SH3GL3: variants seen among roughly 807,000 people sequenced by gnomAD.
The protein encoded by SH3GL3 is SH3 domain containing GRB2 like 3, endophilin A3, also known as endophilin-A3.
SH3GL3 carries 33 observed loss-of-function variants against 47.7 expected under a neutral mutation model. The observed-to-expected ratio is 0.69, with a 90% confidence interval of 0.52 to 0.92. The LOEUF (loss-of-function observed/expected upper bound fraction) is 0.92. SH3GL3 is among the 40% of genes least tolerant of loss of function. The probability of loss-of-function intolerance (pLI) is 0.00; values close to 1 mark genes in which losing one functional copy is unlikely to be tolerated. For missense variants in SH3GL3, 363 were observed against 417.8 expected, an observed-to-expected ratio of 0.87 and a Z score of 1.14; for synonymous variants, 155 against 148.8, an observed-to-expected ratio of 1.04 and a Z score of -0.30.
chr15:83,449,200 A>C (rs976698975), intron 1 of SH3GL3, among the ~76,000 whole-genome samples: 6 of 152,220 alleles, frequency 3.9e-5, no homozygotes, highest in African/African-American at 1.4e-4. Context: ...ATATTTATTG[A>C]ATAGATGAAA....
At chr15:83,545,786 G>A (rs1156344108) in intron 1 of SH3GL3, among the ~76,000 whole-genome samples, 1 of 152,190 alleles carries the variant, frequency 6.6e-6, no homozygotes, top group Non-Finnish European at 1.5e-5. Context: ...TCTTGTATAG[G>A]TGCTGCCTCA....
intron 1 of SH3GL3, among the ~76,000 whole-genome samples, chr15:83,503,664 A>G (rs1445275753): frequency 6.6e-6 from 1 of 152,220 alleles, no homozygotes; most frequent in African/African-American, 2.4e-5. Flanking sequence ...TGCAGCTGGG[A>G]TTCCAGTCCT....
intron 1 of SH3GL3, among the ~76,000 whole-genome samples, chr15:83,506,295 T>C (rs1033273553): frequency 6.6e-6 from 1 of 152,230 alleles, no homozygotes; most frequent in African/African-American, 2.4e-5. Flanking sequence ...TTTCCCTGAA[T>C]GTGATGAATA....
At chr15:83,550,030 T>G (rs879783202) in intron 1 of SH3GL3, among the ~76,000 whole-genome samples, 3 of 152,164 alleles carry the variant, frequency 2.0e-5, no homozygotes, top group Admixed American at 1.3e-4. Flanking sequence ...TTGAAAAAAT[T>G]TTAGACTTAC....
chr15:83,587,958 A>AGT (rs1241060515), intron 7 of SH3GL3, among the ~76,000 whole-genome samples: 2 of 152,196 alleles, frequency 1.3e-5, no homozygotes, highest in Admixed American at 1.3e-4. Context: ...GCAGGCAGAT[A>AGT]GTTTACCTGT....
intron 1 of SH3GL3, among the ~76,000 whole-genome samples, chr15:83,449,438 T>C (rs2039625021): frequency 6.6e-6 from 1 of 152,206 alleles, no homozygotes; most frequent in Non-Finnish European, 1.5e-5. Context: ...TACATTGGCT[T>C]CCTTAGCACT....
chr15:83,506,790 G>A (rs2042523936), intron 1 of SH3GL3, among the ~76,000 whole-genome samples: 1 of 151,822 alleles, frequency 6.6e-6, no homozygotes, highest in Non-Finnish European at 1.5e-5. Context: ...GTGTGAATTG[G>A]CCCTTTTCTC....
intron 1 of SH3GL3, among the ~76,000 whole-genome samples, chr15:83,472,923 C>T (rs924541983): frequency 6.6e-6 from 1 of 152,178 alleles, no homozygotes; most frequent in African/African-American, 2.4e-5. Flanking sequence ...ACTTCACTGA[C>T]ACTCAAGGTG....
chr15:83,519,778 A>T (rs2043131656), intron 1 of SH3GL3, among the ~76,000 whole-genome samples: 1 of 152,216 alleles, frequency 6.6e-6, no homozygotes, highest in Non-Finnish European at 1.5e-5. Flanking sequence ...CGTATATGGT[A>T]AGTATCTATA....
At chr15:83,505,523 CTTTTTTT>C (rs35112953) in intron 1 of SH3GL3, among the ~76,000 whole-genome samples, 3 of 92,034 alleles carry the variant, frequency 3.3e-5, no homozygotes, top group South Asian at 7.3e-4. Context: ...CTTGAATTTC[CTTTTTTT>C]TTTTTTTTTT....
chr15:83,591,686 A>ATTTATT (rs889574615), intron 8 of SH3GL3, among the ~76,000 whole-genome samples: 1 of 151,584 alleles, frequency 6.6e-6, no homozygotes, highest in African/African-American at 2.4e-5. Context: ...TTTTTATTTT[A>ATTTATT]TTTATTTTTA....
chr15:83,490,366 A>G (rs2041826688), intron 1 of SH3GL3, among the ~76,000 whole-genome samples: 1 of 151,206 alleles, frequency 6.6e-6, no homozygotes, highest in African/African-American at 2.4e-5. Context: ...ACTGGTGGGT[A>G]AATGCCAGAG....
intron 8 of SH3GL3, among the ~76,000 whole-genome samples, chr15:83,593,785 T>G (rs1321182760): frequency 1.3e-5 from 2 of 152,128 alleles, no homozygotes; most frequent in African/African-American, 4.8e-5. Context: ...TACTTCATAA[T>G]TAAGGATGAT....
At chr15:83,588,856 T>C in intron 8 of SH3GL3, 85 bp downstream of exon 8, 1 of 755,334 alleles carries the variant, frequency 1.3e-6, no homozygotes, top group Non-Finnish European at 2.4e-6. Context: ...TCTGGGTCAG[T>C]GAATACACAC....
At chr15:83,530,722 G>T in intron 1 of SH3GL3, among the ~76,000 whole-genome samples, 1 of 151,294 alleles carries the variant, frequency 6.6e-6, no homozygotes, top group Non-Finnish European at 1.5e-5. Context: ...TTAATTTTGT[G>T]CTTTTTTTCT....
intron 1 of SH3GL3, among the ~76,000 whole-genome samples, chr15:83,536,026 G>A (rs2043885805): frequency 6.6e-6 from 1 of 152,102 alleles, no homozygotes; most frequent in Non-Finnish European, 1.5e-5. Flanking sequence ...CATCCTTTCT[G>A]AAAAAAAGAT....
intron 1 of SH3GL3, among the ~76,000 whole-genome samples, chr15:83,478,918 C>T (rs1407350513): frequency 2.0e-5 from 3 of 152,232 alleles, no homozygotes; most frequent in Admixed American, 2.0e-4. Context: ...TGAAATTCTG[C>T]TTCTTAAAAC....
At chr15:83,509,429 A>G (rs1412704800) in intron 1 of SH3GL3, among the ~76,000 whole-genome samples, 1 of 152,184 alleles carries the variant, frequency 6.6e-6, no homozygotes, top group Non-Finnish European at 1.5e-5. Context: ...AAACTGGTTT[A>G]TATTTTCTGC....
At chr15:83,569,093 C>A (rs994712231) in intron 4 of SH3GL3, among the ~76,000 whole-genome samples, 2 of 152,034 alleles carry the variant, frequency 1.3e-5, no homozygotes, top group Non-Finnish European at 2.9e-5. Flanking sequence ...GACAGGGTTT[C>A]GCCATTTTGG....
Sources: allele counts gnomAD v4.1 joint callset (sites outside exome capture counted in the v4.1 genomes callset), GRCh38; gene constraint gnomAD v4.1.1; transcripts MANE v1.5; gene names NCBI Gene and HGNC (gene_info 2026-07-23, HGNC 2026-07-21).